The following AGMO variants were observed in gnomAD, a reference collection of about 807,000 sequenced individuals.
The protein encoded by AGMO is alkylglycerol monooxygenase.
In AGMO, 75 loss-of-function variants were observed where a neutral mutation model predicts 60.2. The ratio of observed to expected loss-of-function variants is 1.25; its 90% CI spans 1.03 to 1.51. The LOEUF is 1.51. Ranked by LOEUF, AGMO falls within the 40% of genes most tolerant of loss-of-function variation. AGMO has a pLI of 0.00. For missense variants in AGMO, 763 were observed against 525.5 expected, an observed-to-expected ratio of 1.45 and a Z score of -4.42; for synonymous variants, 261 against 177.1, an observed-to-expected ratio of 1.47 and a Z score of -3.76.
intron 12 of AGMO, among the ~76,000 whole-genome samples, chr7:15,273,065 C>T (rs1049580363): frequency 2.4e-4 from 36 of 152,238 alleles, no homozygotes; most frequent in African/African-American, 8.7e-4. Context: ...AATTTTCTCC[C>T]ATTCTGTAGG....
intron 3 of AGMO, among the ~76,000 whole-genome samples, chr7:15,449,101 G>A (rs905572681): frequency 6.6e-6 from 1 of 152,076 alleles, no homozygotes; most frequent in Non-Finnish European, 1.5e-5. Flanking sequence ...AAAGTTTGTT[G>A]TTTAGATGGA....
At chr7:15,467,044 A>T (rs1465288453) in intron 3 of AGMO, among the ~76,000 whole-genome samples, 1 of 152,204 alleles carries the variant, frequency 6.6e-6, no homozygotes, top group Non-Finnish European at 1.5e-5. Context: ...TGTTGCAATA[A>T]TATCCTAAAT....
chr7:15,485,302 G>C (rs1242367445), intron 3 of AGMO, among the ~76,000 whole-genome samples: 9 of 151,894 alleles, frequency 5.9e-5, no homozygotes, highest in Non-Finnish European at 1.2e-4. Flanking sequence ...GTGAGACAGG[G>C]CAAGATTCTG....
At chr7:15,146,944 T>C in the AGMO span, among the ~76,000 whole-genome samples, 1 of 152,226 alleles carries the variant, frequency 6.6e-6, no homozygotes, top group African/African-American at 2.4e-5. Context: ...TTAACATATG[T>C]ATTTTTTATA....
chr7:15,327,957 G>T (rs118187548), intron 12 of AGMO, among the ~76,000 whole-genome samples: 4,199 of 151,118 alleles, frequency 0.028, 66 homozygotes, highest in Middle Eastern at 0.058. Context: ...TTTTTTTTTG[G>T]TTGAGACAGG....
At chr7:15,441,752 T>C (rs1164775111) in intron 3 of AGMO, among the ~76,000 whole-genome samples, 4 of 152,072 alleles carry the variant, frequency 2.6e-5, no homozygotes, top group Non-Finnish European at 5.9e-5. Flanking sequence ...AGCTACGGAA[T>C]CCATTTTGAA....
intron 3 of AGMO, among the ~76,000 whole-genome samples, chr7:15,534,381 A>G (rs1053312850): frequency 3.9e-5 from 6 of 152,062 alleles, no homozygotes; most frequent in African/African-American, 1.4e-4. Context: ...GGGAATACGG[A>G]TAAGTTTGAT....
intron 3 of AGMO, among the ~76,000 whole-genome samples, chr7:15,467,191 GTAC>G (rs1562522118): frequency 1.3e-5 from 2 of 152,108 alleles, no homozygotes; most frequent in African/African-American, 4.8e-5. Context: ...ATAAAATGTT[GTAC>G]TCTTCCATGC....
At chr7:15,159,055 C>T in the AGMO span, among the ~76,000 whole-genome samples, 4 of 151,850 alleles carry the variant, frequency 2.6e-5, no homozygotes, top group African/African-American at 4.8e-5. Context: ...CATAATATAT[C>T]AAGAAACAAG....
At chr7:15,178,959 G>C in the AGMO span, among the ~76,000 whole-genome samples, 1 of 152,104 alleles carries the variant, frequency 6.6e-6, no homozygotes, top group East Asian at 1.9e-4. Context: ...AAATCAGACA[G>C]AATTTGTCCT....
chr7:15,151,765 G>A, the AGMO span, among the ~76,000 whole-genome samples: 264 of 152,238 alleles, frequency 1.7e-3, 1 homozygote, highest in Admixed American at 6.0e-3. Flanking sequence ...GTGTGCACAT[G>A]GGAAGAATGT....
chr7:15,394,792 A>C (rs539709867), intron 5 of AGMO, among the ~76,000 whole-genome samples: 1 of 152,290 alleles, frequency 6.6e-6, no homozygotes, highest in South Asian at 2.1e-4. Context: ...CTACTTATTC[A>C]AATAGAATCC....
intron 5 of AGMO, among the ~76,000 whole-genome samples, chr7:15,406,281 C>T (rs1311427326): frequency 2.3e-4 from 28 of 124,244 alleles, no homozygotes; most frequent in African/African-American, 8.6e-4. Context: ...TACATGTACA[C>T]ATATGTGTGT....
intron 3 of AGMO, among the ~76,000 whole-genome samples, chr7:15,451,674 T>G (rs1781859563): frequency 6.6e-6 from 1 of 152,054 alleles, no homozygotes; most frequent in Admixed American, 6.6e-5. Context: ...GACCTTAGTA[T>G]AAGAGTGATA....
At chr7:15,157,814 T>C in the AGMO span, among the ~76,000 whole-genome samples, 3 of 152,222 alleles carry the variant, frequency 2.0e-5, no homozygotes, top group Admixed American at 2.0e-4. Flanking sequence ...ATAAATTCCT[T>C]CTGTAATACT....
intron 12 of AGMO, among the ~76,000 whole-genome samples, chr7:15,243,142 T>C (rs534499998): frequency 5.4e-4 from 82 of 152,210 alleles, no homozygotes; most frequent in African/African-American, 1.9e-3. Flanking sequence ...CTTATTAATA[T>C]ACATAGGTCA....
At chr7:15,198,880 G>A (rs770126607), downstream of AGMO, among the ~76,000 whole-genome samples, 1 of 152,142 alleles carries the variant, frequency 6.6e-6, no homozygotes, top group South Asian at 2.1e-4. Context: ...ATCCCTAGGA[G>A]CAACTGGGGA....
At chr7:15,284,072 A>G (rs988639009) in intron 12 of AGMO, among the ~76,000 whole-genome samples, 1 of 152,120 alleles carries the variant, frequency 6.6e-6, no homozygotes, top group Non-Finnish European at 1.5e-5. Context: ...TCTGGGATAC[A>G]GCAAAAATAG....
Position 15,354,327 on chromosome 7 carries a change from TACGCGTGTATATAC to T in AGMO, c.1263+11173_1263+11186del, listed in dbSNP as rs1214124138. Among the ~76,000 whole-genome samples, 43 of 32,180 alleles carry T rather than the reference TACGCGTGTATATAC, an allele frequency of 1.3e-3. 5 individuals carry two copies. Among genetic ancestry groups the T allele is most frequent in the Non-Finnish European group, 1.9e-3 (36 of 18,758 alleles). 21.1% of individuals were successfully genotyped at this position (32,180 alleles called of 152,430 possible). ...ACGTGTATACACGCGTGTATATACG[TACGCGTGTATATAC>T]ACGCGTGTATATAGACGTGTGTATA... is the stretch of plus-strand genomic sequence containing the variant. On this transcript the variant is annotated intron_variant, in intron 12 of 12. Transcript: ENST00000342526.
Sources: gnomAD v4.1 joint callset for allele counts (sites outside exome capture counted in the v4.1 genomes callset) on GRCh38, gnomAD v4.1.1 for gene constraint, MANE v1.5 for transcripts, NCBI Gene and HGNC (gene_info 2026-07-23, HGNC 2026-07-21) for gene names.